EBF2: variants seen among roughly 807,000 people sequenced by gnomAD.
The protein encoded by EBF2 is EBF transcription factor 2.
In EBF2, 21 loss-of-function variants were observed where a neutral mutation model predicts 72.8. The observed-to-expected ratio is 0.29, with a 90% CI of 0.20 to 0.42. The LOEUF (loss-of-function observed/expected upper bound fraction) is 0.42, where lower values mean the gene tolerates loss of function less well. EBF2 is among the 10% of genes least tolerant of loss of function. The pLI, the probability that EBF2 is intolerant of heterozygous loss-of-function variation, is 1.00. For synonymous variants in EBF2, 299 were observed against 274.2 expected (o/e 1.09, Z -0.89); for missense variants, 637 against 731.2 (o/e 0.87, Z 1.49).
chr8:25,933,662 C>T (rs889769241), intron 6 of EBF2, among the ~76,000 whole-genome samples: 2 of 152,024 alleles, frequency 1.3e-5, no homozygotes, highest in African/African-American at 2.4e-5. Flanking sequence ...ATAATAAATA[C>T]GATGGTGGAA....
At chr8:26,034,454 TG>T (rs1166286341) in intron 5 of EBF2, among the ~76,000 whole-genome samples, 1 of 152,148 alleles carries the variant, frequency 6.6e-6, no homozygotes, top group Non-Finnish European at 1.5e-5. Context: ...GAAGATCCCC[TG>T]GGGCAATTAC....
chr8:25,878,119 G>A (rs961158101), intron 10 of EBF2, among the ~76,000 whole-genome samples: 5 of 152,204 alleles, frequency 3.3e-5, no homozygotes, highest in African/African-American at 4.8e-5. Flanking sequence ...CCCAAAGGCA[G>A]TGCTTCCGGC....
intron 6 of EBF2, among the ~76,000 whole-genome samples, chr8:25,930,307 G>T (rs1356862391): frequency 6.6e-6 from 1 of 152,178 alleles, no homozygotes; most frequent in Non-Finnish European, 1.5e-5. Flanking sequence ...AGGAAAAACA[G>T]TTCTGGAAGA....
At chr8:25,938,554 T>C (rs1193551059) in intron 6 of EBF2, among the ~76,000 whole-genome samples, 1 of 152,140 alleles carries the variant, frequency 6.6e-6, no homozygotes, top group Non-Finnish European at 1.5e-5. Flanking sequence ...TGAGCTATGA[T>C]CATTGACAGA....
At chr8:26,016,211 C>A (rs1053962787) in intron 6 of EBF2, among the ~76,000 whole-genome samples, 1 of 152,164 alleles carries the variant, frequency 6.6e-6, no homozygotes, top group Non-Finnish European at 1.5e-5. Flanking sequence ...CATAGAGCAG[C>A]GATTCATTCA....
At chr8:25,947,103 C>G (rs1331882860) in intron 6 of EBF2, among the ~76,000 whole-genome samples, 1 of 152,182 alleles carries the variant, frequency 6.6e-6, no homozygotes, top group Non-Finnish European at 1.5e-5. Flanking sequence ...CCATGACCCA[C>G]TGATATGGTT....
At chr8:25,854,671 T>TTTTC (rs1408139762) in intron 14 of EBF2, among the ~76,000 whole-genome samples, 1 of 152,202 alleles carries the variant, frequency 6.6e-6, no homozygotes, top group Non-Finnish European at 1.5e-5. Context: ...TTTTTTTTTC[T>TTTTC]TTTCTGAAGA....
At chr8:26,039,966 C>T in intron 5 of EBF2, 62 bp downstream of exon 5, 2 of 1,580,746 alleles carry the variant, frequency 1.3e-6, no homozygotes, top group South Asian at 1.1e-5. Flanking sequence ...ACGCGGCGCG[C>T]CAAGGCGGGG....
chr8:25,846,124 A>T (rs953202454), intron 15 of EBF2, among the ~76,000 whole-genome samples: 2 of 152,242 alleles, frequency 1.3e-5, no homozygotes, highest in African/African-American at 4.8e-5. Flanking sequence ...ATTACTATAT[A>T]TTGAATCAAT....
intron 8 of EBF2, among the ~76,000 whole-genome samples, chr8:25,888,941 C>T (rs1452059242): frequency 6.6e-6 from 1 of 152,180 alleles, no homozygotes; most frequent in Non-Finnish European, 1.5e-5. Flanking sequence ...TCAGTGCCCA[C>T]TGTGGGAGAA....
chr8:26,013,694 TA>T (rs34159255), intron 6 of EBF2, among the ~76,000 whole-genome samples: 10,269 of 145,192 alleles, frequency 0.071, 489 homozygotes, highest in Non-Finnish European at 0.099. Flanking sequence ...CACCCACTAT[TA>T]AAAAAAAAAA....
chr8:25,853,841 A>AAAAAACAGATG (rs1243696083), intron 14 of EBF2, among the ~76,000 whole-genome samples: 1 of 39,166 alleles, frequency 2.6e-5, no homozygotes, highest in Non-Finnish European at 4.4e-5. Flanking sequence ...CTTCAGATGA[A>AAAAAACAGATG]AAAAAAACAG....
At chr8:25,945,463 C>T (rs1291711026) in intron 6 of EBF2, among the ~76,000 whole-genome samples, 1 of 151,992 alleles carries the variant, frequency 6.6e-6, no homozygotes, top group African/African-American at 2.4e-5. Flanking sequence ...AAGCATCTTG[C>T]ATCACCTGGT....
rs201194594 is a variant in EBF2 at position 25,926,498 on chromosome 8, C to T, written c.552-17943G>A. Among the ~76,000 whole-genome samples the T allele has an allele frequency of 8.5e-5, 13 of 152,258 alleles. No homozygotes were observed. In the East Asian group the frequency reaches 2.5e-3, roughly 29 times the overall value. ...ACTCTTGCCTCTGTGAGCTGGACAT[C>T]GGTTTTATACTTCGACAATGTGGAT... On this transcript the variant is annotated intron_variant, in intron 6 of 15. Coordinates refer to ENST00000520164, the MANE Select transcript of EBF2 (RefSeq NM_022659.4).
intron 1 of EBF2, among the ~76,000 whole-genome samples, chr8:26,043,976 C>A (rs1805654643): frequency 1.3e-5 from 2 of 152,226 alleles, no homozygotes; most frequent in Non-Finnish European, 2.9e-5. Context: ...TCCGCAAAAC[C>A]AGAGGCTGGC....
intron 6 of EBF2, among the ~76,000 whole-genome samples, chr8:25,960,303 C>G (rs1040334603): frequency 3.3e-5 from 5 of 152,276 alleles, no homozygotes; most frequent in Middle Eastern, 3.4e-3. Flanking sequence ...ATCGAAGAAC[C>G]AATTATGCCC....
At chr8:25,891,580 AT>A (rs200868966) in intron 7 of EBF2, among the ~76,000 whole-genome samples, 7,363 of 139,026 alleles carry the variant, frequency 0.053, 184 homozygotes, top group Admixed American at 0.074. Flanking sequence ...ATCCTGTCGT[AT>A]TTTTTTTTTT....
rs549937497 is a variant in EBF2 at position 25,948,481 on chromosome 8, A to ATTT, written c.552-39927_552-39926insAAA. Among the ~76,000 whole-genome samples, 118 of 152,298 alleles carry ATTT rather than the reference A, an allele frequency of 7.7e-4. No individual in the cohort carries two copies. In the Middle Eastern group the frequency reaches 0.01, roughly 13 times the overall value. On this transcript the variant is annotated intron_variant, in intron 6 of 15. Transcript: ENST00000520164. ...GGGATGGGCCCAGAGTCCCACTCTAATTATACCCTATTTGACTAGGAAATG... is the reference window on the plus strand; with the variant it reads ...GGGATGGGCCCAGAGTCCCACTCTAATTTTTATACCCTATTTGACTAGGAAATG...
At chr8:26,033,248 A>T in intron 5 of EBF2, 95 bp from the exon 6 acceptor site, 18 of 1,236,280 alleles carry the variant, frequency 1.5e-5, no homozygotes, top group Non-Finnish European at 1.9e-5. Context: ...CCCCAGACAG[A>T]GTCTGGCTCT....
Sources: allele counts gnomAD v4.1 joint callset (sites outside exome capture counted in the v4.1 genomes callset), GRCh38; gene constraint gnomAD v4.1.1; transcripts MANE v1.5; gene names NCBI Gene and HGNC (gene_info 2026-07-23, HGNC 2026-07-21).